Variants in ALDH1A2 observed in about 807,000 individuals in gnomAD.
ALDH1A2 encodes retinal dehydrogenase 2.
Under a neutral mutation model 60.3 loss-of-function variants are expected in ALDH1A2, and 27 were observed. The ratio of observed to expected loss-of-function variants is 0.45; its 90% CI spans 0.33 to 0.62. The LOEUF is 0.62. ALDH1A2 is among the 20% of genes least tolerant of loss of function. The pLI, the probability that ALDH1A2 is intolerant of heterozygous loss-of-function variation, is 0.02. For synonymous variants in ALDH1A2, 289 were observed against 232.4 expected (o/e 1.24, Z -2.21); for missense variants, 581 against 643.8 (o/e 0.90, Z 1.06).
At chr15:57,970,063 A>G (rs1157747054) in intron 7 of ALDH1A2, among the ~76,000 whole-genome samples, 3 of 152,258 alleles carry the variant, frequency 2.0e-5, no homozygotes, top group Non-Finnish European at 4.4e-5. Context: ...AAGGAGTTAA[A>G]AAAGACAGAC....
At chr15:58,034,715 G>A (rs1427958317) in intron 1 of ALDH1A2, among the ~76,000 whole-genome samples, 1 of 151,604 alleles carries the variant, frequency 6.6e-6, no homozygotes, top group African/African-American at 2.4e-5. Flanking sequence ...CTTTCTGCAT[G>A]TACAGACATG....
intron 1 of ALDH1A2, among the ~76,000 whole-genome samples, chr15:58,059,427 G>A (rs748013898): frequency 6.6e-6 from 1 of 152,080 alleles, no homozygotes; most frequent in Non-Finnish European, 1.5e-5. Flanking sequence ...ATGTTATCTT[G>A]GACAGTCAGG....
At chr15:57,992,613 G>A in intron 7 of ALDH1A2, 92 bp downstream of exon 7, 2 of 1,190,416 alleles carry the variant, frequency 1.7e-6, no homozygotes, top group Non-Finnish European at 1.2e-6. Context: ...CCCTTTTGGT[G>A]TCTAGCCTAT....
intron 4 of ALDH1A2, among the ~76,000 whole-genome samples, chr15:58,000,600 C>T (rs1895232545): frequency 6.6e-6 from 1 of 151,886 alleles, no homozygotes. Context: ...ATATTTTCTT[C>T]TAATATTCTT....
chr15:58,013,824 GGT>G (rs746871837), intron 3 of ALDH1A2, 32 bp downstream of exon 3: 2 of 1,613,600 alleles, frequency 1.2e-6, no homozygotes, highest in Admixed American at 3.3e-5. Flanking sequence ...GGCAAATGTG[GGT>G]TAAAGACTTA....
At chr15:58,061,278 T>TA (rs1897025789) in intron 1 of ALDH1A2, among the ~76,000 whole-genome samples, 3 of 150,296 alleles carry the variant, frequency 2.0e-5, no homozygotes, top group African/African-American at 7.4e-5. Context: ...GAAAAAGTAT[T>TA]TAAAAAAAAA....
intron 7 of ALDH1A2, among the ~76,000 whole-genome samples, chr15:57,984,644 G>C (rs961060246): frequency 2.6e-5 from 4 of 152,088 alleles, no homozygotes; most frequent in Non-Finnish European, 5.9e-5. Flanking sequence ...TCTTTCATTT[G>C]GTATAGTGTT....
intron 1 of ALDH1A2, among the ~76,000 whole-genome samples, chr15:58,052,611 T>C (rs1896804322): frequency 6.6e-6 from 1 of 152,134 alleles, no homozygotes; most frequent in Non-Finnish European, 1.5e-5. Context: ...TTTTCATATT[T>C]CCAGGTCCCA....
chr15:58,003,480 T>C (rs562950716), intron 4 of ALDH1A2, among the ~76,000 whole-genome samples: 3 of 151,982 alleles, frequency 2.0e-5, no homozygotes, highest in Non-Finnish European at 4.4e-5. Flanking sequence ...TGGAAAGTTA[T>C]ATATGACCTG....
At chr15:57,979,983 C>G in intron 7 of ALDH1A2, 1 of 343,456 alleles carries the variant, frequency 2.9e-6, no homozygotes, top group Non-Finnish European at 6.1e-6. Flanking sequence ...CAGGAGCTGT[C>G]ATGCTCACCT....
At chr15:57,973,408 C>A (rs1894135700) in intron 7 of ALDH1A2, among the ~76,000 whole-genome samples, 1 of 152,232 alleles carries the variant, frequency 6.6e-6, no homozygotes, top group Non-Finnish European at 1.5e-5. Flanking sequence ...GTTAACTGTT[C>A]CAGACACTTT....
chr15:57,980,422 G>T, intron 7 of ALDH1A2: 1 of 354,374 alleles, frequency 2.8e-6, no homozygotes, highest in South Asian at 2.9e-5. Context: ...TGGAGTGGTT[G>T]ATCTTGGGGA....
chr15:58,050,980 A>C (rs1305319715), intron 1 of ALDH1A2, among the ~76,000 whole-genome samples: 1 of 152,178 alleles, frequency 6.6e-6, no homozygotes, highest in Non-Finnish European at 1.5e-5. Context: ...ATTTCTCCAC[A>C]GGAGACTAAA....
At chr15:58,014,024 G>A (rs1330316845) in intron 2 of ALDH1A2, 26 bp from the exon 3 acceptor site, 1 of 1,613,926 alleles carries the variant, frequency 6.2e-7, no homozygotes, top group Non-Finnish European at 8.5e-7. Flanking sequence ...AGGCACAACT[G>A]AAGAAAAACA....
intron 1 of ALDH1A2, among the ~76,000 whole-genome samples, chr15:58,037,807 A>G (rs1896414642): frequency 6.6e-6 from 1 of 151,794 alleles, no homozygotes; most frequent in Non-Finnish European, 1.5e-5. Context: ...AAGCAGAAAT[A>G]AAGATAAGAG....
intron 1 of ALDH1A2, among the ~76,000 whole-genome samples, chr15:58,020,635 G>T (rs1222656380): frequency 6.6e-6 from 1 of 152,028 alleles, no homozygotes; most frequent in African/African-American, 2.4e-5. Context: ...CCGTCCTCCA[G>T]CTTGACCCAC....
At chr15:58,020,188 A>G (rs1895888755) in intron 1 of ALDH1A2, among the ~76,000 whole-genome samples, 1 of 152,194 alleles carries the variant, frequency 6.6e-6, no homozygotes, top group Non-Finnish European at 1.5e-5. Flanking sequence ...ATAGTATTCC[A>G]CGGTGTATAT....
chr15:58,061,878 T>C (rs1318903101), intron 1 of ALDH1A2, among the ~76,000 whole-genome samples: 2 of 152,164 alleles, frequency 1.3e-5, no homozygotes, highest in African/African-American at 2.4e-5. Context: ...ATTACATTGA[T>C]CAACTGAACT....
chr15:58,006,808 T>C (rs1176803083), intron 4 of ALDH1A2, among the ~76,000 whole-genome samples: 1 of 149,344 alleles, frequency 6.7e-6, no homozygotes, highest in African/African-American at 2.5e-5. Context: ...AATTCTCAGC[T>C]GGGGTTGAGC....
Sources: allele counts gnomAD v4.1 joint callset (sites outside exome capture counted in the v4.1 genomes callset), GRCh38; gene constraint gnomAD v4.1.1; transcripts MANE v1.5; gene names NCBI Gene and HGNC (gene_info 2026-07-23, HGNC 2026-07-21).